The following TAF1B variants were observed in gnomAD, a reference collection of about 807,000 sequenced individuals.
TAF1B encodes the protein TATA box-binding protein-associated factor RNA polymerase I subunit B.
TAF1B carries 61 observed loss-of-function variants against 83.9 expected under a neutral mutation model. The observed-to-expected ratio is 0.73, with a 90% CI of 0.59 to 0.90. TAF1B has a LOEUF of 0.90. TAF1B is among the 40% of genes least tolerant of loss of function. TAF1B has a pLI of 0.00. For missense variants in TAF1B, 625 were observed against 677.0 expected (o/e 0.92, Z 0.85); for synonymous variants, 221 against 224.6 (o/e 0.98, Z 0.14).
At chr2:9,920,071 G>A (rs1665822593) in intron 14 of TAF1B, among the ~76,000 whole-genome samples, 1 of 152,320 alleles carries the variant, frequency 6.6e-6, no homozygotes, top group East Asian at 1.9e-4. Flanking sequence ...AGAAGTGGCT[G>A]TAAATGCTGA....
intron 9 of TAF1B, 28 bp from the exon 10 acceptor site, chr2:9,910,708 A>G (rs367967788): frequency 1.3e-6 from 2 of 1,588,774 alleles, no homozygotes; most frequent in Non-Finnish European, 1.7e-6. Context: ...TTGGCAAATA[A>G]TTTACATTTT....
At chr2:9,932,220 G>A (rs1272710279) in intron 14 of TAF1B, among the ~76,000 whole-genome samples, 1 of 152,232 alleles carries the variant, frequency 6.6e-6, no homozygotes. Context: ...CTGGCAAGGA[G>A]CTGCAATCCT....
intron 5 of TAF1B, among the ~76,000 whole-genome samples, chr2:9,854,665 CAT>C (rs201439276): frequency 0.044 from 6,697 of 152,258 alleles, 194 homozygotes; most frequent in Non-Finnish European, 0.066. Context: ...CTAGTTGAAA[CAT>C]AAAGGAATTT....
At chr2:9,923,080 C>A (rs1665926338) in intron 14 of TAF1B, among the ~76,000 whole-genome samples, 1 of 151,664 alleles carries the variant, frequency 6.6e-6, no homozygotes, top group Non-Finnish European at 1.5e-5. Flanking sequence ...CCTGCCTCTA[C>A]TAAAAATACA....
Position 9,868,336 on chromosome 2 carries a change from G to A in TAF1B, c.460G>A (p.Val154Ile), listed in dbSNP as rs771599303. Residue 154 changes from valine to isoleucine, a missense_variant, in exon 6 of 15, where the codon GTC becomes ATC. Val to Ile is a conservative substitution (Grantham distance 29). Coordinates refer to ENST00000263663, the MANE Select transcript of TAF1B (RefSeq NM_005680.3). ...TAGTGAGCCTGAGCTGCTAAGTGAT[G>A]TCAGCTGTCCTCCTTTTCTTGAAAG... Reference protein sequence around the residue: ...WASEPELLSDVSCPPFLESGA... With the variant: ...WASEPELLSDISCPPFLESGA... 2 of 1,614,164 alleles carry A rather than the reference G, an allele frequency of 1.2e-6. No individual in the cohort carries two copies. Among genetic ancestry groups the A allele is most frequent in the Non-Finnish European group, 1.7e-6 (2 of 1,180,020 alleles).
At chr2:9,870,094 C>G (rs1664119051) in intron 6 of TAF1B, among the ~76,000 whole-genome samples, 1 of 146,576 alleles carries the variant, frequency 6.8e-6, no homozygotes, top group Admixed American at 6.8e-5. Flanking sequence ...TTTTTAAAAA[C>G]TTAAAGTATA....
At chr2:9,905,067 A>G (rs1448815595) in intron 9 of TAF1B, 61 bp downstream of exon 9, 2 of 1,458,014 alleles carry the variant, frequency 1.4e-6, no homozygotes, top group African/African-American at 1.4e-5. Context: ...TAAGCAGAGT[A>G]TAGAATCTTT....
intron 9 of TAF1B, 86 bp from the exon 10 acceptor site, chr2:9,910,650 T>C: frequency 1.6e-6 from 2 of 1,232,060 alleles, no homozygotes; most frequent in Non-Finnish European, 2.2e-6. Context: ...AGTGTCGTGT[T>C]TTAAGATAAA....
chr2:9,931,420 C>T (rs1490009762), intron 14 of TAF1B, among the ~76,000 whole-genome samples: 1 of 152,102 alleles, frequency 6.6e-6, no homozygotes, highest in Non-Finnish European at 1.5e-5. Flanking sequence ...TTCTCCTCCA[C>T]TTATGAAGCT....
At chr2:9,878,512 G>A (rs1419952295) in intron 7 of TAF1B, among the ~76,000 whole-genome samples, 2 of 152,290 alleles carry the variant, frequency 1.3e-5, no homozygotes, top group African/African-American at 2.4e-5. Flanking sequence ...CCTTAACACT[G>A]TGCATGTCAC....
At chr2:9,868,235 A>AC in intron 5 of TAF1B, 41 bp from the exon 6 acceptor site, 1 of 1,604,798 alleles carries the variant, frequency 6.2e-7, no homozygotes, top group Non-Finnish European at 8.5e-7. Context: ...ACTGTTTAAA[A>AC]CTGTTACACA....
intron 5 of TAF1B, among the ~76,000 whole-genome samples, chr2:9,859,974 C>T (rs1166953432): frequency 6.6e-6 from 1 of 152,208 alleles, no homozygotes; most frequent in Non-Finnish European, 1.5e-5. Context: ...GCTGCAAGGC[C>T]TCAGGAAACT....
At chr2:9,907,501 G>A (rs1049553551) in intron 9 of TAF1B, among the ~76,000 whole-genome samples, 10 of 151,942 alleles carry the variant, frequency 6.6e-5, no homozygotes, top group Admixed American at 3.3e-4. Context: ...CCTCCTCAAC[G>A]CCTTTAAAGG....
chr2:9,872,731 C>A (rs1172914104), intron 6 of TAF1B, among the ~76,000 whole-genome samples: 1 of 152,136 alleles, frequency 6.6e-6, no homozygotes, highest in African/African-American at 2.4e-5. Flanking sequence ...AAGGAATATA[C>A]AAAAAATTGT....
At chr2:9,862,386 G>A (rs1260919231) in intron 5 of TAF1B, among the ~76,000 whole-genome samples, 1 of 152,044 alleles carries the variant, frequency 6.6e-6, no homozygotes, top group African/African-American at 2.4e-5. Flanking sequence ...GAGAAGAGAA[G>A]TTTAGAGAAA....
At chr2:9,932,226 A>G (rs1203683279) in intron 14 of TAF1B, among the ~76,000 whole-genome samples, 4 of 152,220 alleles carry the variant, frequency 2.6e-5, no homozygotes, top group African/African-American at 9.6e-5. Flanking sequence ...AGGAGCTGCA[A>G]TCCTTTGGAG....
chr2:9,858,783 C>G (rs1430688983), intron 5 of TAF1B, among the ~76,000 whole-genome samples: 2 of 152,236 alleles, frequency 1.3e-5, no homozygotes, highest in Admixed American at 6.5e-5. Flanking sequence ...TTAGCCACAG[C>G]TGGAGCTGGA....
rs1553292446 is a variant in TAF1B at position 9,914,260 on chromosome 2, A to G, written c.1271+1011A>G. 6.6e-6 allele frequency among the ~76,000 whole-genome samples: 1 copy of G among 152,160 alleles called. No individual in the cohort carries two copies. ...CTCTCAGTAGGCAGGATTGATGCAC[A>G]ATGAAGAAGAGGGGTGGAGGTGAAT... is the stretch of plus-strand genomic sequence containing the variant. On this transcript the variant is annotated intron_variant, in intron 12 of 14. Coordinates refer to ENST00000263663, the MANE Select transcript of TAF1B (RefSeq NM_005680.3). The surrounding 1 kb of genome is among the most constrained non-coding windows in gnomAD (Gnocchi z 4.3).
At chr2:9,925,126 AT>A (rs1473016033) in intron 14 of TAF1B, among the ~76,000 whole-genome samples, 2 of 152,198 alleles carry the variant, frequency 1.3e-5, no homozygotes, top group Non-Finnish European at 2.9e-5. Flanking sequence ...TTTTTTAACT[AT>A]TTTTTTAAAC....
Sources: allele counts gnomAD v4.1 joint callset (sites outside exome capture counted in the v4.1 genomes callset), GRCh38; gene constraint gnomAD v4.1.1; non-coding constraint Gnocchi (gnomAD v3.1); transcripts MANE v1.5; gene names NCBI Gene and HGNC (gene_info 2026-07-23, HGNC 2026-07-21).